KHDRBS2: variants seen among roughly 807,000 people sequenced by gnomAD.
The protein encoded by KHDRBS2 is KH domain-containing, RNA-binding, signal transduction-associated protein 2.
A neutral mutation model predicts 44.3 loss-of-function variants in KHDRBS2; 26 were observed. The ratio of observed to expected loss-of-function variants is 0.59; its 90% confidence interval spans 0.43 to 0.81. The LOEUF is 0.81. KHDRBS2 is among the 40% of genes least tolerant of loss of function. The pLI is 0.00. For missense variants in KHDRBS2, 476 were observed against 433.1 expected (o/e 1.10, Z -0.88); for synonymous variants, 194 against 151.1 (o/e 1.28, Z -2.08).
At chr6:61,574,577 T>TACC in the KHDRBS2 span, among the ~76,000 whole-genome samples, 1 of 152,052 alleles carries the variant, frequency 6.6e-6, no homozygotes, top group Non-Finnish European at 1.5e-5. Flanking sequence ...CAAAACGAGT[T>TACC]ACCACGTACA....
chr6:61,870,448 A>G (rs570944284), intron 6 of KHDRBS2, among the ~76,000 whole-genome samples: 1 of 152,308 alleles, frequency 6.6e-6, no homozygotes, highest in East Asian at 1.9e-4. Flanking sequence ...TGGGGGAAGG[A>G]GCGGCTGTGG....
intron 2 of KHDRBS2, among the ~76,000 whole-genome samples, chr6:62,097,654 C>A (rs554290512): frequency 6.6e-6 from 1 of 151,992 alleles, no homozygotes; most frequent in East Asian, 1.9e-4. Context: ...ATATTTGGAT[C>A]TTGTTTTTTC....
At chr6:61,714,176 A>G (rs1771001957) in intron 7 of KHDRBS2, among the ~76,000 whole-genome samples, 1 of 152,000 alleles carries the variant, frequency 6.6e-6, no homozygotes, top group African/African-American at 2.4e-5. Flanking sequence ...AGAATCTACA[A>G]GGAATCTAAA....
intron 4 of KHDRBS2, among the ~76,000 whole-genome samples, chr6:61,946,429 G>C (rs148993842): frequency 6.6e-6 from 1 of 152,310 alleles, no homozygotes; most frequent in East Asian, 1.9e-4. Context: ...GTGTACAGGA[G>C]AGTGCTCTTT....
chr6:62,027,565 T>G (rs1271198154), intron 3 of KHDRBS2, among the ~76,000 whole-genome samples: 1 of 152,102 alleles, frequency 6.6e-6, no homozygotes, highest in Non-Finnish European at 1.5e-5. Context: ...ATTGCCAGGG[T>G]AATTTATCAT....
intron 1 of KHDRBS2, among the ~76,000 whole-genome samples, chr6:62,257,203 ATTC>A (rs1482649032): frequency 6.6e-6 from 1 of 152,084 alleles, no homozygotes; most frequent in Non-Finnish European, 1.5e-5. Context: ...GAAGTGCAGC[ATTC>A]TTCTAGACAT....
intron 6 of KHDRBS2, among the ~76,000 whole-genome samples, chr6:61,837,318 A>G (rs1583086468): frequency 6.6e-6 from 1 of 152,036 alleles, no homozygotes; most frequent in Non-Finnish European, 1.5e-5. Flanking sequence ...ATGATTTTGC[A>G]TGCTTTTCTC....
intron 4 of KHDRBS2, among the ~76,000 whole-genome samples, chr6:61,941,648 G>A (rs1043486214): frequency 1.1e-4 from 16 of 152,126 alleles, no homozygotes; most frequent in East Asian, 3.9e-4. Flanking sequence ...ATCAGAGACC[G>A]TGGATGCTGT....
chr6:61,570,226 C>T, the KHDRBS2 span, among the ~76,000 whole-genome samples: 2 of 151,924 alleles, frequency 1.3e-5, no homozygotes, highest in Non-Finnish European at 2.9e-5. Flanking sequence ...AAAAGAAAAA[C>T]AATCACAACT....
intron 6 of KHDRBS2, among the ~76,000 whole-genome samples, chr6:61,856,681 G>A (rs1156249339): frequency 6.6e-6 from 1 of 151,870 alleles, no homozygotes; most frequent in Non-Finnish European, 1.5e-5. Flanking sequence ...CTGTTTCCAG[G>A]TTACTGAGTT....
intron 6 of KHDRBS2, among the ~76,000 whole-genome samples, chr6:61,870,924 A>G (rs1395588090): frequency 6.6e-6 from 1 of 152,242 alleles, no homozygotes; most frequent in African/African-American, 2.4e-5. Context: ...AAGGCTGAAA[A>G]TTCCAAAAAC....
intron 2 of KHDRBS2, among the ~76,000 whole-genome samples, chr6:62,119,246 T>C (rs1051273324): frequency 6.6e-6 from 1 of 152,210 alleles, no homozygotes; most frequent in African/African-American, 2.4e-5. Context: ...ATATTCCTCA[T>C]TCACTGCTCT....
chr6:61,961,495 C>T (rs1310001827), intron 4 of KHDRBS2, among the ~76,000 whole-genome samples: 1 of 151,784 alleles, frequency 6.6e-6, no homozygotes, highest in Non-Finnish European at 1.5e-5. Context: ...GACAGTACTA[C>T]AGGGCAAGGG....
At chr6:62,232,067 C>T (rs1029518832) in intron 1 of KHDRBS2, among the ~76,000 whole-genome samples, 1 of 152,122 alleles carries the variant, frequency 6.6e-6, no homozygotes, top group African/African-American at 2.4e-5. Flanking sequence ...ACCTGAGTTA[C>T]ACTGTCATTT....
intron 7 of KHDRBS2, among the ~76,000 whole-genome samples, chr6:61,724,366 T>C (rs965939787): frequency 2.6e-5 from 4 of 151,904 alleles, no homozygotes; most frequent in South Asian, 2.1e-4. Context: ...AAAAACACAC[T>C]GAAGTACAGA....
chr6:62,235,722 A>G (rs1183641313), intron 1 of KHDRBS2, among the ~76,000 whole-genome samples: 1 of 152,084 alleles, frequency 6.6e-6, no homozygotes, highest in Non-Finnish European at 1.5e-5. Context: ...ATAAATGGTG[A>G]TATCAGCAAA....
intron 6 of KHDRBS2, among the ~76,000 whole-genome samples, chr6:61,828,415 G>T (rs1791264213): frequency 6.6e-6 from 1 of 152,186 alleles, no homozygotes; most frequent in Non-Finnish European, 1.5e-5. Flanking sequence ...AGCAAAGAGA[G>T]CTACAGGTTA....
chr6:62,054,396 G>T (rs1382565583), intron 2 of KHDRBS2, among the ~76,000 whole-genome samples: 1 of 152,044 alleles, frequency 6.6e-6, no homozygotes, highest in East Asian at 1.9e-4. Flanking sequence ...AATGACATTT[G>T]ACAGAGGTAG....
rs1421480634 is a variant in KHDRBS2 at position 61,978,118 on chromosome 6, G to A, written c.431C>T (p.Ala144Val). The A allele has an allele frequency of 1.2e-6, 2 of 1,611,560 alleles. No individual in the cohort carries two copies. The highest frequency in any genetic ancestry group is 1.7e-5 in the Admixed American group (1 of 59,648). The change falls in exon 4 of 9, where the codon GCT becomes GTT. Residue 144 changes from alanine (A) to valine (V), a missense_variant. Physicochemically the swap from Ala to Val is moderately conservative, Grantham distance 64. Transcript: ENST00000281156. ...CAATGCATGACTCATACGTGAATAAGCTTCCCCAGGTGGAGCAAACACTTC... is the reference window on the plus strand; with the variant it reads ...CAATGCATGACTCATACGTGAATAAACTTCCCCAGGTGGAGCAAACACTTC... ...LIEVFAPPGE[A>V]YSRMSHALEE...
Sources: allele counts gnomAD v4.1 joint callset (sites outside exome capture counted in the v4.1 genomes callset), GRCh38; gene constraint gnomAD v4.1.1; transcripts MANE v1.5; gene names NCBI Gene and HGNC (gene_info 2026-07-23, HGNC 2026-07-21).